RNF19B: variants seen among roughly 807,000 people sequenced by gnomAD.
RNF19B encodes E3 ubiquitin-protein ligase RNF19B.
A neutral mutation model predicts 65.5 loss-of-function variants in RNF19B; 23 were observed. The observed-to-expected ratio is 0.35, with a 90% confidence interval of 0.25 to 0.50. The LOEUF is 0.50. Among genes scored for constraint, RNF19B ranks in the 20% least tolerant of loss-of-function variants. The pLI is 0.98. For missense variants in RNF19B, 794 were observed against 980.0 expected, an observed-to-expected ratio of 0.81 and a Z score of 2.53; for synonymous variants, 372 against 379.6, an observed-to-expected ratio of 0.98 and a Z score of 0.23.
intron 7 of RNF19B, among the ~76,000 whole-genome samples, chr1:32,940,325 T>G (rs1206165162): frequency 6.6e-6 from 1 of 152,160 alleles, no homozygotes; most frequent in African/African-American, 2.4e-5. Flanking sequence ...AAGCTACTCA[T>G]TCTGGGATGG....
At chr1:32,953,602 G>GA (rs900273979) in intron 1 of RNF19B, among the ~76,000 whole-genome samples, 22 of 152,150 alleles carry the variant, frequency 1.4e-4, no homozygotes, top group African/African-American at 5.1e-4. Flanking sequence ...AACAAAGTGA[G>GA]AACAGGTCAG....
intron 7 of RNF19B, among the ~76,000 whole-genome samples, chr1:32,939,467 C>T (rs1642182347): frequency 6.6e-6 from 1 of 152,216 alleles, no homozygotes; most frequent in African/African-American, 2.4e-5. Flanking sequence ...CAGGCGTGCG[C>T]AGGCCCTGCC....
intron 4 of RNF19B, among the ~76,000 whole-genome samples, chr1:32,945,914 G>A (rs1642357660): frequency 6.6e-6 from 1 of 151,832 alleles, no homozygotes; most frequent in Non-Finnish European, 1.5e-5. Flanking sequence ...GCAGGCTGGA[G>A]TGCAGTGGTG....
chr1:32,960,928 G>T (rs528788978), intron 1 of RNF19B, among the ~76,000 whole-genome samples: 5 of 152,010 alleles, frequency 3.3e-5, no homozygotes, highest in Non-Finnish European at 7.4e-5. Flanking sequence ...CAGGAGGATC[G>T]CCTGAGCCCA....
In RNF19B at chr1:32,961,015, CAA is replaced by C. The variant is rs5773391; in HGVS notation, c.635+3034_635+3035del. ...TGGGTGACAGAGCGAGACGCTGTCTCAAAAAAAAAGAGATGCAAAGCCACTAG... is the reference window on the plus strand; with the variant it reads ...TGGGTGACAGAGCGAGACGCTGTCTCAAAAAAAGAGATGCAAAGCCACTAG... On this transcript the variant is annotated intron_variant, in intron 1 of 8. Coordinates refer to ENST00000235150, the MANE Select transcript of RNF19B (RefSeq NM_001300826.2). 1.9e-4 allele frequency among the ~76,000 whole-genome samples: 28 copies of C among 150,624 alleles called. No homozygotes were observed. The South Asian group carries it at 5.4e-3, about 29-fold the overall frequency.
At chr1:32,958,578 TG>T (rs749208560) in intron 1 of RNF19B, among the ~76,000 whole-genome samples, 5 of 152,110 alleles carry the variant, frequency 3.3e-5, no homozygotes, top group Non-Finnish European at 7.4e-5. Context: ...TAGCCAGGCA[TG>T]GTTGCAGGTG....
At chr1:32,930,880 G>T in the RNF19B span, among the ~76,000 whole-genome samples, 1 of 152,152 alleles carries the variant, frequency 6.6e-6, no homozygotes, top group Non-Finnish European at 1.5e-5. Context: ...TTGAGGTCGG[G>T]AGTTCAAGAC....
chr1:32,949,441 C>T (rs1040928897), intron 2 of RNF19B, 128 bp downstream of exon 2: 2 of 687,248 alleles, frequency 2.9e-6, no homozygotes, highest in Non-Finnish European at 4.9e-6. Context: ...AAAGTATTAT[C>T]AAATGATATT....
chr1:32,942,783 C>A (rs1188889417), intron 6 of RNF19B, among the ~76,000 whole-genome samples: 1 of 152,112 alleles, frequency 6.6e-6, no homozygotes, highest in East Asian at 1.9e-4. Flanking sequence ...TGTAACCAAA[C>A]GTGAAGATTT....
At chr1:32,938,269 A>G (rs1381388661) in intron 8 of RNF19B, 128 bp downstream of exon 8, 6 of 958,806 alleles carry the variant, frequency 6.3e-6, no homozygotes, top group Non-Finnish European at 8.2e-6. Context: ...GCTCAAATGA[A>G]TTCACAGGTT....
rs1203439621 is a variant in RNF19B, at chr1:32,936,592, AGGGAG to A, written c.*209_*213del. On this transcript the variant is annotated 3_prime_UTR_variant, in exon 9 of 9. Coordinates refer to ENST00000235150, the MANE Select transcript of RNF19B (RefSeq NM_001300826.2). ...TAACCAATAAATTAAAACTAAAAAG[AGGGAG>A]GGGAGGGGAGGGGAACTAACGGCAA... 18 of 478,474 alleles carry A rather than the reference AGGGAG, an allele frequency of 3.8e-5. No individual in the cohort carries two copies. The highest frequency in any genetic ancestry group is 2.2e-4 in the South Asian group (5 of 22,434). The allele number at this position is 478,474 out of a possible 1,614,324, so 29.6% of individuals were successfully genotyped here.
downstream of RNF19B, among the ~76,000 whole-genome samples, chr1:32,935,623 G>C (rs1642085207): frequency 6.6e-6 from 1 of 152,206 alleles, no homozygotes; most frequent in Admixed American, 6.5e-5. Flanking sequence ...AAGTTTATCA[G>C]AACACGGAGT....
intron 1 of RNF19B, among the ~76,000 whole-genome samples, chr1:32,961,394 T>C (rs1308043708): frequency 6.6e-6 from 1 of 152,180 alleles, no homozygotes; most frequent in Non-Finnish European, 1.5e-5. Flanking sequence ...AATATTGGCA[T>C]TGGTTGGAAT....
intron 5 of RNF19B, among the ~76,000 whole-genome samples, chr1:32,945,103 AAATGTTAGTTAC>A (rs1413370002): frequency 3.9e-5 from 6 of 152,194 alleles, no homozygotes; most frequent in Admixed American, 3.9e-4. Context: ...GAGCCACATT[AAATGTTAGTTAC>A]ACTATTATTA....
chr1:32,947,669 A>G (rs1472438645), intron 3 of RNF19B, among the ~76,000 whole-genome samples: 3 of 152,040 alleles, frequency 2.0e-5, no homozygotes, highest in African/African-American at 7.2e-5. Context: ...AAAAAAAAAA[A>G]AAAAAAGAAT....
intron 1 of RNF19B, among the ~76,000 whole-genome samples, chr1:32,957,381 T>A (rs190506608): frequency 5.9e-5 from 9 of 152,336 alleles, no homozygotes; most frequent in Admixed American, 3.3e-4. Context: ...CGTATTTTCT[T>A]TAGTATTTAT....
chr1:32,930,108 A>G, the RNF19B span, among the ~76,000 whole-genome samples: 2 of 152,174 alleles, frequency 1.3e-5, no homozygotes, highest in Non-Finnish European at 2.9e-5. Flanking sequence ...TTTTAGTATC[A>G]TGTTTTTAAG....
At chr1:32,952,897 AG>A (rs1642541907) in intron 1 of RNF19B, among the ~76,000 whole-genome samples, 1 of 151,446 alleles carries the variant, frequency 6.6e-6, no homozygotes, top group Non-Finnish European at 1.5e-5. Flanking sequence ...TGGGTGACAG[AG>A]TGAGATTCTG....
At chr1:32,943,926 C>T in intron 6 of RNF19B, 93 bp downstream of exon 6, 10 of 1,263,492 alleles carry the variant, frequency 7.9e-6, no homozygotes, top group Non-Finnish European at 1.1e-5. Context: ...CAAAGTAATC[C>T]AATGACAATC....
Sources: allele counts gnomAD v4.1 joint callset (sites outside exome capture counted in the v4.1 genomes callset), GRCh38; gene constraint gnomAD v4.1.1; transcripts MANE v1.5; gene names NCBI Gene and HGNC (gene_info 2026-07-23, HGNC 2026-07-21).